NOL4L: variants seen among roughly 807,000 people sequenced by gnomAD.
NOL4L encodes nucleolar protein 4-like.
Under a neutral mutation model 64.5 loss-of-function variants are expected in NOL4L, and 7 were observed. The observed-to-expected ratio is 0.11, with a 90% CI of 0.06 to 0.20. The LOEUF is 0.20. Ranked by LOEUF, NOL4L falls within the 10% of genes least tolerant of loss-of-function variation. The pLI, the probability that NOL4L is intolerant of heterozygous loss-of-function variation, is 1.00. For missense variants in NOL4L, 680 were observed against 967.1 expected (o/e 0.70, Z 3.94); for synonymous variants, 413 against 401.0 (o/e 1.03, Z -0.36).
At chr20:32,495,377 C>T (rs2016645008) in intron 4 of NOL4L, among the ~76,000 whole-genome samples, 1 of 152,248 alleles carries the variant, frequency 6.6e-6, no homozygotes, top group Non-Finnish European at 1.5e-5. Context: ...CTCTCCTTGA[C>T]TATCTTCGGC....
At chr20:32,524,301 A>G (rs2018049613) in intron 2 of NOL4L, among the ~76,000 whole-genome samples, 1 of 151,868 alleles carries the variant, frequency 6.6e-6, no homozygotes, top group African/African-American at 2.4e-5. Context: ...GCTAAGTGAG[A>G]CAGGGACTTC....
intron 4 of NOL4L, among the ~76,000 whole-genome samples, chr20:32,505,626 G>A (rs1362350585): frequency 6.6e-6 from 1 of 152,198 alleles, no homozygotes; most frequent in Non-Finnish European, 1.5e-5. Flanking sequence ...AGGCTGAGGT[G>A]GGCAGATTGA....
At chr20:32,475,454 G>A (rs1297137390) in intron 4 of NOL4L, 3 of 465,844 alleles carry the variant, frequency 6.4e-6, no homozygotes, top group African/African-American at 2.1e-5. Flanking sequence ...CCAAACAGCC[G>A]GATGGCCTGC....
In NOL4L at chr20:32,584,997, G is replaced by T; in HGVS notation, c.-107C>A. On this transcript the variant is annotated 5_prime_UTR_variant, in exon 1 of 11. Coordinates refer to ENST00000621426, the MANE Select transcript of NOL4L (RefSeq NM_001256798.2). ...CCGGGCCGGGACGCGCCGCGGCCGC[G>T]TCTGTCCCGCGGTGTGGCTCCGGCG... is the stretch of plus-strand genomic sequence containing the variant. The T allele has an allele frequency of 6.6e-6, 4 of 607,060 alleles. No homozygotes were observed. The highest frequency in any genetic ancestry group is 8.2e-6 in the Non-Finnish European group (4 of 485,240). 37.6% of individuals were successfully genotyped at this position (607,060 alleles called of 1,614,324 possible). A position where few individuals can be genotyped will look rare whatever the true frequency, so the allele number is the denominator to read the frequency against.
chr20:32,522,038 A>C (rs902293149), intron 2 of NOL4L, among the ~76,000 whole-genome samples: 1 of 152,172 alleles, frequency 6.6e-6, no homozygotes, highest in Non-Finnish European at 1.5e-5. Context: ...GAAATGCACG[A>C]ATGTCCTTCT....
chr20:32,505,972 G>GT (rs2017125715), intron 4 of NOL4L, among the ~76,000 whole-genome samples: 1 of 152,094 alleles, frequency 6.6e-6, no homozygotes, highest in Admixed American at 6.6e-5. Context: ...GTTGGTGATG[G>GT]TTGTGCAACA....
At chr20:32,468,164 G>C (rs747960855) in intron 5 of NOL4L, among the ~76,000 whole-genome samples, 1 of 152,162 alleles carries the variant, frequency 6.6e-6, no homozygotes, top group Non-Finnish European at 1.5e-5. Context: ...CTTCGGGGAA[G>C]GGCCGGCCAG....
At chr20:32,505,594 C>T (rs929127746) in intron 4 of NOL4L, among the ~76,000 whole-genome samples, 1 of 152,178 alleles carries the variant, frequency 6.6e-6, no homozygotes, top group Non-Finnish European at 1.5e-5. Flanking sequence ...GTGGTGCTCA[C>T]CTGTGGTCTC....
In NOL4L at chr20:32,443,627, TC is replaced by T. The variant is rs1418650268; in HGVS notation, c.*3968del. 6.6e-6 allele frequency: 1 copy of T among 152,170 alleles called. No homozygotes were observed. Among genetic ancestry groups the T allele is most frequent in the East Asian group, 1.9e-4 (1 of 5,198 alleles). 9.4% of individuals were successfully genotyped at this position (152,170 alleles called of 1,614,324 possible). A position where few individuals can be genotyped will look rare whatever the true frequency, so the allele number is the denominator to read the frequency against. ...TACTATCTGCACTGAAAGTCTTAAA[TC>T]TCATCTCAGATATGGAACTCATGCT... On this transcript the variant is annotated 3_prime_UTR_variant, in exon 11 of 11. Coordinates refer to ENST00000621426, the MANE Select transcript of NOL4L (RefSeq NM_001256798.2).
intron 4 of NOL4L, among the ~76,000 whole-genome samples, chr20:32,505,805 T>A (rs2017117844): frequency 6.6e-6 from 1 of 152,108 alleles, no homozygotes; most frequent in Non-Finnish European, 1.5e-5. Flanking sequence ...CAAAAGGACA[T>A]CTGATTCCAC....
intron 1 of NOL4L, among the ~76,000 whole-genome samples, chr20:32,583,472 C>A (rs554136351): frequency 1.2e-5 from 1 of 83,684 alleles, no homozygotes; most frequent in African/African-American, 4.5e-5. Flanking sequence ...AGCGGGGGAG[C>A]GGGGGAGGGA....
At chr20:32,488,737 C>T (rs1267485540) in intron 4 of NOL4L, among the ~76,000 whole-genome samples, 1 of 150,602 alleles carries the variant, frequency 6.6e-6, no homozygotes, top group Non-Finnish European at 1.5e-5. Context: ...TCTTTCTTTT[C>T]TTTCTTTCTT....
intron 4 of NOL4L, among the ~76,000 whole-genome samples, chr20:32,488,823 TTCTTTTTCTTTCTTTCTTTCTTTCTTTC>T (rs2016289136): frequency 1.4e-3 from 25 of 17,650 alleles, no homozygotes; most frequent in Non-Finnish European, 2.0e-3. Flanking sequence ...CTTTCTTTCT[TTCTTTTTCTTTCTTTCTTTCTTTCTTTC>T]TTTCTTTCTT....
chr20:32,481,954 T>TGGGGC (rs1340513347), intron 4 of NOL4L, among the ~76,000 whole-genome samples: 3 of 402 alleles, frequency 7.5e-3, no homozygotes, highest in African/African-American at 0.018. Context: ...TGTGAGTTGG[T>TGGGGC]GGGGCGGGGC....
At chr20:32,506,221 A>C (rs2017135176) in intron 4 of NOL4L, among the ~76,000 whole-genome samples, 2 of 151,948 alleles carry the variant, frequency 1.3e-5, no homozygotes, top group South Asian at 2.1e-4. Context: ...CTGGCTTCCA[A>C]GGAGGGGGCT....
At chr20:32,448,871 A>AATT (rs2012582721) in intron 10 of NOL4L, among the ~76,000 whole-genome samples, 1 of 152,174 alleles carries the variant, frequency 6.6e-6, no homozygotes, top group African/African-American at 2.4e-5. Context: ...TTCATTGGCA[A>AATT]ATTCTTTAAC....
chr20:32,516,284 C>CAA (rs113609130), intron 3 of NOL4L, among the ~76,000 whole-genome samples: 18 of 139,524 alleles, frequency 1.3e-4, no homozygotes, highest in African/African-American at 4.7e-4. Flanking sequence ...CAAAAGGTGG[C>CAA]AAAAAAAAAA....
intron 5 of NOL4L, among the ~76,000 whole-genome samples, chr20:32,462,990 C>G (rs2014231389): frequency 6.6e-6 from 1 of 150,774 alleles, no homozygotes; most frequent in African/African-American, 2.4e-5. Flanking sequence ...GGGGCCCGGG[C>G]AGGGATGGTG....
intron 6 of NOL4L, 76 bp downstream of exon 6, chr20:32,456,042 G>T: frequency 7.1e-7 from 1 of 1,412,568 alleles, no homozygotes; most frequent in African/African-American, 1.5e-5. Context: ...CTAAGCTCTG[G>T]GCGTATACAA....
Sources: gnomAD v4.1 joint callset for allele counts (sites outside exome capture counted in the v4.1 genomes callset) on GRCh38, gnomAD v4.1.1 for gene constraint, MANE v1.5 for transcripts, NCBI Gene and HGNC (gene_info 2026-07-23, HGNC 2026-07-21) for gene names.